Variants in ADAM32 observed in about 807,000 individuals in gnomAD.
ADAM32 encodes disintegrin and metalloproteinase domain-containing protein 32.
In ADAM32, 89 loss-of-function variants were observed where a neutral mutation model predicts 114.9. The observed-to-expected ratio is 0.77, with a 90% CI of 0.65 to 0.92. ADAM32 has a LOEUF of 0.92. Among genes scored for constraint, ADAM32 ranks in the 40% least tolerant of loss-of-function variants. The probability of loss-of-function intolerance (pLI) is 0.00; values close to 1 mark genes in which losing one functional copy is unlikely to be tolerated. For synonymous variants in ADAM32, 285 were observed against 307.5 expected (o/e 0.93, Z 0.77); for missense variants, 870 against 932.8 (o/e 0.93, Z 0.88).
intron 9 of ADAM32, chr8:39,166,124 T>A (rs1388164080): frequency 2.6e-5 from 4 of 152,214 alleles, no homozygotes; most frequent in African/African-American, 4.8e-5. Flanking sequence ...TGGTGATTTA[T>A]GAGATTTTGG....
chr8:39,122,597 G>C (rs1408772528), intron 2 of ADAM32, among the ~76,000 whole-genome samples: 2 of 152,212 alleles, frequency 1.3e-5, no homozygotes, highest in African/African-American at 4.8e-5. Flanking sequence ...TTTGTTTTGA[G>C]ACAGAGTCTT....
intron 14 of ADAM32, among the ~76,000 whole-genome samples, chr8:39,226,498 C>T (rs1004544870): frequency 2.7e-5 from 4 of 150,820 alleles, no homozygotes; most frequent in Non-Finnish European, 5.9e-5. Flanking sequence ...ATAATAAAAC[C>T]GTCAATAAAT....
At chr8:39,268,254 A>G (rs1424566784) in intron 19 of ADAM32, among the ~76,000 whole-genome samples, 1 of 152,146 alleles carries the variant, frequency 6.6e-6, no homozygotes, top group Non-Finnish European at 1.5e-5. Context: ...TCTTGTCAAT[A>G]TGTGGTCTCA....
chr8:39,266,752 C>T (rs1361937673), intron 19 of ADAM32, among the ~76,000 whole-genome samples: 1 of 152,134 alleles, frequency 6.6e-6, no homozygotes, highest in Admixed American at 6.5e-5. Flanking sequence ...AGAGTTCTTG[C>T]ATTGGTTCTT....
chr8:39,110,996 AT>A (rs1840133022), intron 1 of ADAM32, among the ~76,000 whole-genome samples: 1 of 152,238 alleles, frequency 6.6e-6, no homozygotes, highest in African/African-American at 2.4e-5. Flanking sequence ...ATCATACAAA[AT>A]ATGACCTTTT....
intron 22 of ADAM32, among the ~76,000 whole-genome samples, 197 bp from the exon 23 acceptor site, chr8:39,280,939 C>T (rs1668739704): frequency 6.6e-6 from 1 of 151,820 alleles, no homozygotes; most frequent in African/African-American, 2.4e-5. Context: ...CCCGCCACCA[C>T]ACCTGGCTAA....
chr8:39,258,291 C>T (rs573642004), intron 19 of ADAM32, among the ~76,000 whole-genome samples: 1 of 151,772 alleles, frequency 6.6e-6, no homozygotes, highest in Admixed American at 6.6e-5. Context: ...TACCTTTGCT[C>T]TGTTGTAACT....
chr8:39,180,321 G>A (rs1356790558), intron 10 of ADAM32, among the ~76,000 whole-genome samples: 10 of 152,334 alleles, frequency 6.6e-5, no homozygotes, highest in Admixed American at 2.6e-4. Context: ...TGCTGTGCTC[G>A]ATTTCTCGCC....
At position 39,211,245 on chromosome 8, in the gene ADAM32, T is replaced by C. The variant is rs561970638; in HGVS notation, c.1154T>C (p.Met385Thr). The C allele has an allele frequency of 3.9e-5, 63 of 1,605,248 alleles. 1 individual carries two copies. In the South Asian group the frequency reaches 6.8e-4, roughly 17 times the overall value. ...GVKCLQNKPQMQKKSPKPVCG... is the reference protein window; with the variant it reads ...GVKCLQNKPQTQKKSPKPVCG... ...AAATGTCTTCAGAATAAGCCACAAA[T>C]GCAAAAAAAATCTCCGAAACCAGTC... Residue 385 changes from methionine (M) to threonine (T), a missense_variant, in exon 12 of 25, where the codon ATG becomes ACG. Met to Thr is a moderately conservative substitution (Grantham distance 81, BLOSUM62 -1). Coordinates refer to ENST00000379907, the MANE Select transcript of ADAM32 (RefSeq NM_145004.7).
At chr8:39,164,889 GC>G in intron 8 of ADAM32, 54 bp downstream of exon 8, 2 of 1,543,628 alleles carry the variant, frequency 1.3e-6, no homozygotes, top group Non-Finnish European at 1.8e-6. Context: ...ATGATAATTT[GC>G]CTAAACTTGA....
intron 2 of ADAM32, among the ~76,000 whole-genome samples, chr8:39,121,646 A>G (rs979720469): frequency 3.9e-5 from 6 of 152,230 alleles, no homozygotes; most frequent in Non-Finnish European, 7.3e-5. Context: ...TTCAGAGATC[A>G]TCAGGGCTGC....
At chr8:39,151,280 CT>C in intron 5 of ADAM32, 96 bp from the exon 6 acceptor site, 2 of 1,098,724 alleles carry the variant, frequency 1.8e-6, no homozygotes, top group Non-Finnish European at 2.5e-6. Flanking sequence ...AAATACTGGA[CT>C]CAAAACGTTT....
intron 21 of ADAM32, among the ~76,000 whole-genome samples, chr8:39,275,040 G>A (rs1347080707): frequency 1.3e-5 from 2 of 152,122 alleles, no homozygotes; most frequent in Non-Finnish European, 2.9e-5. Flanking sequence ...TAAGTGCTCC[G>A]GGTTCCCGTG....
chr8:39,203,409 T>C (rs2129447950), intron 11 of ADAM32, among the ~76,000 whole-genome samples: 1 of 152,310 alleles, frequency 6.6e-6, no homozygotes, highest in Admixed American at 6.5e-5. Context: ...TCTCTTTTGA[T>C]CTTTGTTGGT....
At chr8:39,159,903 T>A (rs1189988523) in intron 6 of ADAM32, among the ~76,000 whole-genome samples, 1 of 152,204 alleles carries the variant, frequency 6.6e-6, no homozygotes, top group African/African-American at 2.4e-5. Context: ...GATGGGATGG[T>A]AGGTGGGTCA....
intron 22 of ADAM32, among the ~76,000 whole-genome samples, chr8:39,277,131 C>T (rs1404928243): frequency 1.3e-5 from 2 of 152,194 alleles, no homozygotes; most frequent in Non-Finnish European, 2.9e-5. Flanking sequence ...TCCTCCATTT[C>T]TTCTTCGCTC....
chr8:39,176,679 A>T (rs1239318757), intron 10 of ADAM32, among the ~76,000 whole-genome samples: 3 of 152,050 alleles, frequency 2.0e-5, no homozygotes, highest in Admixed American at 6.6e-5. Context: ...TTGGGTGGAG[A>T]TTTCTGTAGA....
chr8:39,177,152 C>A (rs1805581392), intron 10 of ADAM32, among the ~76,000 whole-genome samples: 1 of 151,874 alleles, frequency 6.6e-6, no homozygotes, highest in African/African-American at 2.4e-5. Context: ...CTCTGCCTCC[C>A]AGGTTCAAGA....
Position 39,154,033 on chromosome 8 carries a change from C to CATATATATATATATATATAT in ADAM32, c.525+2501_525+2502insATATATATATATATATATAT, listed in dbSNP as rs59934573. ...AGTAAAAGACAAACAGAAAGTTCCT[C>CATATATATATATATATATAT]ATATATATATATATATGTAATTATA... On this transcript the variant is annotated intron_variant, in intron 6 of 24. Coordinates refer to ENST00000379907, the MANE Select transcript of ADAM32 (RefSeq NM_145004.7). 6.6e-3 allele frequency among the ~76,000 whole-genome samples: 920 copies of CATATATATATATATATATAT among 139,308 alleles called. 9 individuals are homozygous for CATATATATATATATATATAT. Among genetic ancestry groups the CATATATATATATATATATAT allele is most frequent in the African/African-American group, 0.014 (523 of 38,162 alleles). 91.4% of individuals were successfully genotyped at this position (139,308 alleles called of 152,430 possible).
Sources: gnomAD v4.1 joint callset for allele counts (sites outside exome capture counted in the v4.1 genomes callset) on GRCh38, gnomAD v4.1.1 for gene constraint, MANE v1.5 for transcripts, NCBI Gene and HGNC (gene_info 2026-07-23, HGNC 2026-07-21) for gene names.